Variants in SHLD2 observed in about 807,000 individuals in gnomAD.
The protein encoded by SHLD2 is RINN1-REV7-interacting novel NHEJ regulator 2.
Under a neutral mutation model 73.2 loss-of-function variants are expected in SHLD2, and 30 were observed. That is an observed-to-expected ratio of 0.41 (90% CI 0.31 to 0.56). The LOEUF (loss-of-function observed/expected upper bound fraction) is 0.56. SHLD2 is among the 20% of genes least tolerant of loss of function. The probability of loss-of-function intolerance (pLI) is 0.28; values close to 1 mark genes in which losing one functional copy is unlikely to be tolerated. For synonymous variants in SHLD2, 285 were observed against 370.1 expected (o/e 0.77, Z 2.64); for missense variants, 745 against 1,055.9 (o/e 0.71, Z 4.08).
chr10:87,124,531 A>G (rs867524089), intron 2 of SHLD2, among the ~76,000 whole-genome samples: 1 of 152,064 alleles, frequency 6.6e-6, no homozygotes, highest in African/African-American at 2.4e-5. Context: ...ATGAGACCCT[A>G]TCTCAAAAAA....
At chr10:87,116,766 T>C (rs900232983) in intron 2 of SHLD2, among the ~76,000 whole-genome samples, 2 of 152,326 alleles carry the variant, frequency 1.3e-5, no homozygotes, top group African/African-American at 4.8e-5. Flanking sequence ...AATGATCTCC[T>C]CCTTCTCTCA....
At chr10:87,122,648 GTGTTA>G (rs1843709036) in intron 2 of SHLD2, among the ~76,000 whole-genome samples, 1 of 152,128 alleles carries the variant, frequency 6.6e-6, no homozygotes, top group Non-Finnish European at 1.5e-5. Context: ...GGTGCTAAGA[GTGTTA>G]TGAGAATTCC....
chr10:87,159,006 TAGTA>T, intron 4 of SHLD2, among the ~76,000 whole-genome samples: 1 of 152,194 alleles, frequency 6.6e-6, no homozygotes, highest in South Asian at 2.1e-4. Flanking sequence ...CATAATGTAG[TAGTA>T]ACATAGTAAT....
At position 87,186,176 on chromosome 10, in the gene SHLD2, G is replaced by A. The variant is rs371434701; in HGVS notation, c.2400-909G>A. ...AGAGAGGCTGAGGAAAGAGTGTAGAGTGAAAAGAGGAAGGAACATAGAGTC... is the reference window on the plus strand; with the variant it reads ...AGAGAGGCTGAGGAAAGAGTGTAGAATGAAAAGAGGAAGGAACATAGAGTC... On this transcript the variant is annotated intron_variant, in intron 8 of 9. Coordinates refer to ENST00000298786, the MANE Select transcript of SHLD2 (RefSeq NM_001330112.2). 7.9e-5 allele frequency among the ~76,000 whole-genome samples: 12 copies of A among 152,066 alleles called. No individual in the cohort carries two copies. The East Asian group carries it at 1.9e-3, about 25-fold the overall frequency.
At chr10:87,172,197 A>G (rs1384278081) in intron 6 of SHLD2, among the ~76,000 whole-genome samples, 1 of 152,208 alleles carries the variant, frequency 6.6e-6, no homozygotes, top group Non-Finnish European at 1.5e-5. Flanking sequence ...AAGTTTTAAC[A>G]TCTACTTCAA....
intron 2 of SHLD2, among the ~76,000 whole-genome samples, chr10:87,101,221 A>G (rs1349176478): frequency 6.6e-6 from 1 of 150,858 alleles, no homozygotes; most frequent in Non-Finnish European, 1.5e-5. Flanking sequence ...CAAGTATAGA[A>G]TTCAAGAGAA....
At chr10:87,104,486 A>T (rs1842469793) in intron 2 of SHLD2, among the ~76,000 whole-genome samples, 1 of 151,636 alleles carries the variant, frequency 6.6e-6, no homozygotes, top group African/African-American at 2.4e-5. Flanking sequence ...GTGAGCCGAG[A>T]TGGCGCCACT....
intron 2 of SHLD2, among the ~76,000 whole-genome samples, chr10:87,146,090 A>T (rs1053553916): frequency 6.6e-6 from 1 of 152,004 alleles, no homozygotes; most frequent in Non-Finnish European, 1.5e-5. Flanking sequence ...AAAATTTACT[A>T]TTTTTTGATT....
intron 4 of SHLD2, among the ~76,000 whole-genome samples, chr10:87,159,123 A>ATAGT (rs1846635934): frequency 6.6e-6 from 1 of 152,214 alleles, no homozygotes; most frequent in South Asian, 2.1e-4. Flanking sequence ...CAAGAAGATA[A>ATAGT]CTGGAATAAT....
intron 6 of SHLD2, among the ~76,000 whole-genome samples, chr10:87,171,908 A>T (rs575045078): frequency 6.6e-6 from 1 of 152,190 alleles, no homozygotes; most frequent in Non-Finnish European, 1.5e-5. Context: ...ATCATTGACC[A>T]CCATAGCCTG....
At chr10:87,186,933 T>C in intron 8 of SHLD2, 152 bp from the exon 9 acceptor site, 1 of 480,140 alleles carries the variant, frequency 2.1e-6, no homozygotes, top group Non-Finnish European at 3.8e-6. Context: ...CTTTTTTTCC[T>C]TCTAGGATGT....
intron 2 of SHLD2, chr10:87,114,430 GA>G (rs1371623696): frequency 6.6e-6 from 1 of 152,132 alleles, no homozygotes; most frequent in Non-Finnish European, 1.5e-5. Flanking sequence ...AACTTGGTTA[GA>G]AAGTCAGTCA....
chr10:87,138,057 G>A (rs112006975), intron 2 of SHLD2, among the ~76,000 whole-genome samples: 16,386 of 152,108 alleles, frequency 0.11, 988 homozygotes, highest in Admixed American at 0.15. Flanking sequence ...TGTAATCTCA[G>A]AACTTTGGGA....
intron 4 of SHLD2, among the ~76,000 whole-genome samples, chr10:87,169,550 A>C (rs1847439540): frequency 6.6e-6 from 1 of 152,214 alleles, no homozygotes; most frequent in East Asian, 1.9e-4. Flanking sequence ...TAAAGGAAGG[A>C]AAGAAGAAAC....
At chr10:87,155,250 TAA>T (rs1830377080) in intron 3 of SHLD2, among the ~76,000 whole-genome samples, 1 of 151,852 alleles carries the variant, frequency 6.6e-6, no homozygotes, top group Non-Finnish European at 1.5e-5. Flanking sequence ...CAATCTTTTA[TAA>T]AGAGGTAAAC....
At chr10:87,179,988 A>G in intron 7 of SHLD2, 87 bp from the exon 8 acceptor site, 1 of 869,538 alleles carries the variant, frequency 1.2e-6, no homozygotes, top group Non-Finnish European at 2.0e-6. Context: ...AAGTGACTGT[A>G]AATCAACTAT....
intron 6 of SHLD2, among the ~76,000 whole-genome samples, chr10:87,175,116 C>CA (rs55718551): frequency 1.1e-3 from 95 of 84,648 alleles, no homozygotes; most frequent in East Asian, 7.1e-3. Context: ...GACTCCATCT[C>CA]AAAAAAAAAA....
At chr10:87,140,803 A>G (rs1845138019) in intron 2 of SHLD2, among the ~76,000 whole-genome samples, 1 of 152,088 alleles carries the variant, frequency 6.6e-6, no homozygotes, top group Non-Finnish European at 1.5e-5. Context: ...CTTTACAAAG[A>G]TTAAAAAATA....
intron 3 of SHLD2, among the ~76,000 whole-genome samples, chr10:87,156,421 A>G (rs1232864732): frequency 6.6e-6 from 1 of 152,188 alleles, no homozygotes; most frequent in Non-Finnish European, 1.5e-5. Context: ...ATACCAACAC[A>G]GCAGACAGTT....
Sources: allele counts gnomAD v4.1 joint callset (sites outside exome capture counted in the v4.1 genomes callset), GRCh38; gene constraint gnomAD v4.1.1; transcripts MANE v1.5; gene names NCBI Gene and HGNC (gene_info 2026-07-23, HGNC 2026-07-21).